The following PCDH15 variants were observed in gnomAD, a reference collection of about 807,000 sequenced individuals.
PCDH15 encodes the protein protocadherin related 15.
PCDH15 carries 129 observed loss-of-function variants against 178.5 expected under a neutral mutation model. The observed-to-expected ratio is 0.72, with a 90% CI of 0.63 to 0.84. The LOEUF (loss-of-function observed/expected upper bound fraction) is 0.84, where lower values mean the gene tolerates loss of function less well. Among genes scored for constraint, PCDH15 ranks in the 40% least tolerant of loss-of-function variants. The pLI is 0.00. For missense variants in PCDH15, 2,230 were observed against 2,099.9 expected, an observed-to-expected ratio of 1.06 and a Z score of -1.21; for synonymous variants, 800 against 732.0, an observed-to-expected ratio of 1.09 and a Z score of -1.50.
At chr10:54,009,928 T>C (rs2092518601) in intron 20 of PCDH15, among the ~76,000 whole-genome samples, 1 of 152,154 alleles carries the variant, frequency 6.6e-6, no homozygotes. Context: ...CTGGCACCAG[T>C]GGCTGTAGCT....
intron 23 of PCDH15, among the ~76,000 whole-genome samples, chr10:53,943,128 C>T (rs1213439397): frequency 1.3e-5 from 2 of 152,084 alleles, no homozygotes; most frequent in Non-Finnish European, 2.9e-5. Context: ...CATCTGTTTG[C>T]TATTCCTTAT....
chr10:55,115,825 A>G (rs1025660188), intron 2 of PCDH15, among the ~76,000 whole-genome samples: 6 of 152,198 alleles, frequency 3.9e-5, no homozygotes, highest in African/African-American at 1.4e-4. Flanking sequence ...GGGTTGTGAG[A>G]ATTAAAAGAA....
chr10:54,910,698 T>A (rs1231763932), intron 2 of PCDH15, among the ~76,000 whole-genome samples: 1 of 152,198 alleles, frequency 6.6e-6, no homozygotes, highest in Non-Finnish European at 1.5e-5. Flanking sequence ...ATTTTTATCC[T>A]TTGTATGCAG....
chr10:55,487,835 G>C (rs547700758), intron 2 of PCDH15, among the ~76,000 whole-genome samples: 1 of 151,556 alleles, frequency 6.6e-6, no homozygotes, highest in African/African-American at 2.4e-5. Context: ...CTATCACATT[G>C]TAATTTTAAT....
At chr10:54,982,304 G>C (rs996756946) in intron 2 of PCDH15, among the ~76,000 whole-genome samples, 3 of 151,994 alleles carry the variant, frequency 2.0e-5, no homozygotes, top group Non-Finnish European at 4.4e-5. Flanking sequence ...AAACAGTGAA[G>C]ATAAACTAAA....
intron 30 of PCDH15, among the ~76,000 whole-genome samples, chr10:53,830,807 T>C (rs2076971014): frequency 1.3e-5 from 2 of 152,158 alleles, no homozygotes; most frequent in African/African-American, 4.8e-5. Context: ...AGAAACCACA[T>C]AGAAAATTAC....
intron 1 of PCDH15, among the ~76,000 whole-genome samples, chr10:55,318,471 G>A (rs78876889): frequency 5.1e-4 from 78 of 152,224 alleles, no homozygotes; most frequent in Middle Eastern, 6.8e-3. Context: ...AATTTGGAAA[G>A]AGTGATAAAA....
intron 7 of PCDH15, among the ~76,000 whole-genome samples, chr10:54,325,149 G>C (rs2061857467): frequency 6.6e-6 from 1 of 151,774 alleles, no homozygotes; most frequent in Non-Finnish European, 1.5e-5. Context: ...TTCTAATATG[G>C]GTCAGTCAAA....
chr10:54,019,652 T>A (rs2135274953), intron 20 of PCDH15, among the ~76,000 whole-genome samples: 1 of 152,186 alleles, frequency 6.6e-6, no homozygotes, highest in African/African-American at 2.4e-5. Context: ...GGTATTATAA[T>A]AAATGGGATA....
chr10:54,148,946 A>G (rs1401618915), intron 14 of PCDH15, among the ~76,000 whole-genome samples: 1 of 152,004 alleles, frequency 6.6e-6, no homozygotes, highest in African/African-American at 2.4e-5. Context: ...TTGACTAGAT[A>G]AGTCTAAGTT....
chr10:54,140,109 T>G (rs1375545427), intron 14 of PCDH15, among the ~76,000 whole-genome samples: 1 of 152,148 alleles, frequency 6.6e-6, no homozygotes, highest in Non-Finnish European at 1.5e-5. Flanking sequence ...TAGGAATGCT[T>G]TGGCTAATTA....
chr10:54,215,506 A>G (rs34590057), intron 9 of PCDH15, among the ~76,000 whole-genome samples: 76,445 of 152,072 alleles, frequency 0.5, 22,149 homozygotes, highest in Non-Finnish European at 0.66. Flanking sequence ...CATGGAATAT[A>G]CATGAGCAAA....
Position 54,343,870 on chromosome 10 carries a change from C to T in PCDH15, c.594+2495G>A, listed in dbSNP as rs576843017. Among the ~76,000 whole-genome samples, 76 of 131,576 alleles carry T rather than the reference C, an allele frequency of 5.8e-4. 1 individual carries two copies. In the South Asian group the frequency reaches 0.017, roughly 29 times the overall value. The allele number at this position is 131,576 out of a possible 152,430, so 86.3% of individuals were successfully genotyped here. On this transcript the variant is annotated intron_variant, in intron 6 of 37. Coordinates refer to ENST00000644397, the MANE Select transcript of PCDH15 (RefSeq NM_001384140.1). The stretch of plus-strand genomic sequence containing the variant: ...AGATTTGCAACAAAACAGAAAGGCT[C>T]AATTTAATTATTCCAATTTTATTCA...
intron 21 of PCDH15, among the ~76,000 whole-genome samples, chr10:53,974,162 G>T (rs1485254107): frequency 6.6e-6 from 1 of 152,002 alleles, no homozygotes; most frequent in Non-Finnish European, 1.5e-5. Context: ...CGATTACAGG[G>T]ACGCTCCATG....
chr10:54,937,175 C>G (rs1042249453), intron 2 of PCDH15, among the ~76,000 whole-genome samples: 2 of 151,792 alleles, frequency 1.3e-5, no homozygotes, highest in Admixed American at 1.3e-4. Flanking sequence ...AATTCTGTGT[C>G]TATCCTATGT....
chr10:55,096,627 A>C (rs1755845057), intron 2 of PCDH15, among the ~76,000 whole-genome samples: 1 of 152,040 alleles, frequency 6.6e-6, no homozygotes, highest in Non-Finnish European at 1.5e-5. Context: ...CCTTTGATCA[A>C]CATCTCCCGA....
Position 55,095,553 on chromosome 10 carries a change from C to T in PCDH15, c.-80+71023G>A, listed in dbSNP as rs977038352. 3.3e-5 allele frequency among the ~76,000 whole-genome samples: 5 copies of T among 151,926 alleles called. No individual in the cohort carries two copies. The South Asian group carries it at 8.3e-4, about 25-fold the overall frequency. On this transcript the variant is annotated intron_variant, in intron 2 of 5. Coordinates refer to the PCDH15 transcript ENST00000458638. ...TTTTCTTTCTACCTCAAAATAAACC[C>T]AGCTGTTGCAAGTTTAGATATTGTA...
At chr10:54,599,250 C>T (rs1457104049) in intron 2 of PCDH15, among the ~76,000 whole-genome samples, 2 of 152,086 alleles carry the variant, frequency 1.3e-5, no homozygotes, top group East Asian at 1.9e-4. Context: ...TACCTGACTT[C>T]AAACTATCCT....
chr10:53,816,554 TTTTTG>T (rs906861249), intron 34 of PCDH15, among the ~76,000 whole-genome samples: 2 of 152,204 alleles, frequency 1.3e-5, no homozygotes, highest in African/African-American at 4.8e-5. Flanking sequence ...TCTATACAGA[TTTTTG>T]TTTTGTTAAG....
Sources: allele counts gnomAD v4.1 joint callset (sites outside exome capture counted in the v4.1 genomes callset), GRCh38; gene constraint gnomAD v4.1.1; transcripts MANE v1.5; gene names NCBI Gene and HGNC (gene_info 2026-07-23, HGNC 2026-07-21).